The following RGS7 variants were observed in gnomAD, a reference collection of about 807,000 sequenced individuals.
RGS7 encodes the protein regulator of G-protein signaling 7.
A neutral mutation model predicts 81.1 loss-of-function variants in RGS7; 27 were observed. That is an observed-to-expected ratio of 0.33 (90% CI 0.25 to 0.46). The LOEUF (loss-of-function observed/expected upper bound fraction) is 0.46, where lower values mean the gene tolerates loss of function less well. Ranked by LOEUF, RGS7 falls within the 20% of genes least tolerant of loss-of-function variation. RGS7 has a pLI of 1.00. For missense variants in RGS7, 396 were observed against 607.4 expected (o/e 0.65, Z 3.66); for synonymous variants, 208 against 207.7 (o/e 1.00, Z -0.01).
intron 2 of RGS7, among the ~76,000 whole-genome samples, chr1:241,116,645 T>C (rs753996095): frequency 1.3e-5 from 2 of 152,222 alleles, no homozygotes; most frequent in Non-Finnish European, 2.9e-5. Flanking sequence ...TTTATATACA[T>C]TCTGTAAATT....
Position 241,327,754 on chromosome 1 carries a change from C to T in RGS7, c.78+27945G>A, listed in dbSNP as rs544640802. Among the ~76,000 whole-genome samples, 5 of 152,272 alleles carry T rather than the reference C, an allele frequency of 3.3e-5. No homozygotes were observed. In the South Asian group the frequency reaches 1.0e-3, roughly 32 times the overall value. On this transcript the variant is annotated intron_variant, in intron 2 of 18. Transcript: ENST00000440928. ...ATGTAGGTATGTTAAGGTTTTATGA[C>T]TATACATTTACAGATGTTTTTTAAA...
In RGS7 at chr1:240,952,524, G is replaced by A. The variant is rs367999859; in HGVS notation, c.227-15818C>T. Among the ~76,000 whole-genome samples the A allele has an allele frequency of 7.2e-5, 11 of 151,984 alleles. No individual in the cohort carries two copies. The East Asian group carries it at 1.5e-3, about 21-fold the overall frequency. ...GTACAATTGATATGCTAAGAGAAGAGACAAAATGGAATTATTTAAACTGCT... is the reference window on the plus strand; with the variant it reads ...GTACAATTGATATGCTAAGAGAAGAAACAAAATGGAATTATTTAAACTGCT... On this transcript the variant is annotated intron_variant, in intron 4 of 18. Coordinates refer to ENST00000440928, the MANE Select transcript of RGS7 (RefSeq NM_001364886.1).
At chr1:241,273,441 CT>C (rs5782183) in intron 2 of RGS7, among the ~76,000 whole-genome samples, 127,275 of 151,372 alleles carry the variant, frequency 0.84, 53,696 homozygotes, top group East Asian at 1. Context: ...CATCTGTTAG[CT>C]TTTTTTTTTG....
intron 4 of RGS7, among the ~76,000 whole-genome samples, chr1:240,948,099 C>T (rs141093554): frequency 6.0e-4 from 92 of 152,272 alleles, no homozygotes; most frequent in Middle Eastern, 6.8e-3. Flanking sequence ...TGTAGAAGAC[C>T]GCGTATCTTT....
intron 3 of RGS7, among the ~76,000 whole-genome samples, chr1:241,067,373 A>G (rs1292204940): frequency 2.0e-5 from 3 of 151,958 alleles, no homozygotes; most frequent in African/African-American, 7.3e-5. Flanking sequence ...CTAGCTTGAC[A>G]TGTAGTAGGC....
intron 2 of RGS7, among the ~76,000 whole-genome samples, chr1:241,264,300 C>T: frequency 6.6e-6 from 1 of 152,120 alleles, no homozygotes. Flanking sequence ...GAGTTCAAGA[C>T]CAGCCTGGCC....
At chr1:240,792,849 A>AT (rs1686242935) in intron 18 of RGS7, among the ~76,000 whole-genome samples, 1 of 152,136 alleles carries the variant, frequency 6.6e-6, no homozygotes, top group Admixed American at 6.6e-5. Flanking sequence ...TTATCTATCC[A>AT]TTCTCAGAAC....
chr1:241,309,175 T>C (rs1435657991), intron 2 of RGS7, among the ~76,000 whole-genome samples: 1 of 151,752 alleles, frequency 6.6e-6, no homozygotes, highest in Non-Finnish European at 1.5e-5. Flanking sequence ...TCACCTGAGG[T>C]CAGGAGTTCG....
At chr1:240,845,643 C>A (rs1225210747) in intron 9 of RGS7, among the ~76,000 whole-genome samples, 1 of 152,088 alleles carries the variant, frequency 6.6e-6, no homozygotes, top group African/African-American at 2.4e-5. Flanking sequence ...AGTTACCCAC[C>A]CCACGAAGTC....
At chr1:240,998,639 T>C (rs1287962164) in intron 3 of RGS7, 5 of 991,800 alleles carry the variant, frequency 5.0e-6, no homozygotes, top group Non-Finnish European at 8.0e-6. Flanking sequence ...ATGTTGACTT[T>C]GGCCAGGCCT....
intron 6 of RGS7, among the ~76,000 whole-genome samples, chr1:240,906,707 A>G (rs1004525548): frequency 3.3e-5 from 5 of 152,226 alleles, no homozygotes; most frequent in African/African-American, 1.2e-4. Flanking sequence ...CAAAGAAACC[A>G]GAAAGCAACA....
At chr1:240,932,104 A>C (rs1675541866) in intron 5 of RGS7, among the ~76,000 whole-genome samples, 1 of 152,188 alleles carries the variant, frequency 6.6e-6, no homozygotes, top group African/African-American at 2.4e-5. Flanking sequence ...AGAGACTCTA[A>C]AGAAGGGAAA....
At position 240,969,757 on chromosome 1, in the gene RGS7, T is replaced by C. The variant is rs117796797; in HGVS notation, c.226+13322A>G. ...ACCTGCTGGTCTCTAACAAACGTAC[T>C]GTGTTGGCATGATGCCGACACACCA... On this transcript the variant is annotated intron_variant, in intron 4 of 18. Coordinates refer to ENST00000440928, the MANE Select transcript of RGS7 (RefSeq NM_001364886.1). Among the ~76,000 whole-genome samples the C allele has an allele frequency of 2.1e-4, 32 of 152,340 alleles. No homozygotes were observed. The East Asian group carries it at 6.2e-3, about 29-fold the overall frequency.
intron 14 of RGS7, among the ~76,000 whole-genome samples, chr1:240,810,971 ATT>A (rs769749876): frequency 2.6e-5 from 4 of 152,158 alleles, no homozygotes; most frequent in Non-Finnish European, 5.9e-5. Context: ...GTCTGTGGTC[ATT>A]TTGCTTCATC....
chr1:240,852,604 A>C (rs1660314794), intron 9 of RGS7, among the ~76,000 whole-genome samples: 1 of 152,138 alleles, frequency 6.6e-6, no homozygotes. Flanking sequence ...CTAATAAACT[A>C]ACTGTTATTA....
intron 6 of RGS7, among the ~76,000 whole-genome samples, chr1:240,900,892 G>A (rs1336157496): frequency 6.6e-6 from 1 of 152,214 alleles, no homozygotes; most frequent in Non-Finnish European, 1.5e-5. Flanking sequence ...GCCACCAGAG[G>A]TGGAGTCTAC....
At chr1:241,108,312 A>T (rs2065269986) in intron 2 of RGS7, among the ~76,000 whole-genome samples, 1 of 151,444 alleles carries the variant, frequency 6.6e-6, no homozygotes. Context: ...CAAAAAAAAA[A>T]AAAAAAAAAA....
At chr1:240,943,114 A>C (rs1376580830) in intron 4 of RGS7, among the ~76,000 whole-genome samples, 1 of 152,238 alleles carries the variant, frequency 6.6e-6, no homozygotes, top group East Asian at 1.9e-4. Flanking sequence ...TAGATAAGCT[A>C]AAAGAGATTC....
intron 6 of RGS7, among the ~76,000 whole-genome samples, chr1:240,930,360 A>C (rs1558481551): frequency 6.6e-6 from 1 of 152,032 alleles, no homozygotes; most frequent in Non-Finnish European, 1.5e-5. Context: ...TAAAAAGCAC[A>C]CAGCTAAGTG....
Sources: gnomAD v4.1 joint callset for allele counts (sites outside exome capture counted in the v4.1 genomes callset) on GRCh38, gnomAD v4.1.1 for gene constraint, MANE v1.5 for transcripts, NCBI Gene and HGNC (gene_info 2026-07-23, HGNC 2026-07-21) for gene names.